Variants in BCL2L13 observed in about 807,000 individuals in gnomAD.
BCL2L13 encodes the protein BCL2 like 13, also known as bcl-2-like protein 13.
BCL2L13 carries 13 observed loss-of-function variants against 25.8 expected under a neutral mutation model. The ratio of observed to expected loss-of-function variants is 0.50; its 90% CI spans 0.33 to 0.80. The LOEUF (loss-of-function observed/expected upper bound fraction) is 0.80, where lower values mean the gene tolerates loss of function less well. Among genes scored for constraint, BCL2L13 ranks in the 30% least tolerant of loss-of-function variants. The pLI is 0.02. For synonymous variants in BCL2L13, 244 were observed against 230.3 expected, an observed-to-expected ratio of 1.06 and a Z score of -0.54; for missense variants, 504 against 574.9, an observed-to-expected ratio of 0.88 and a Z score of 1.26.
At chr22:17,676,517 CAAGTG>C (rs1254623758) in intron 2 of BCL2L13, among the ~76,000 whole-genome samples, 1 of 152,056 alleles carries the variant, frequency 6.6e-6, no homozygotes, top group African/African-American at 2.4e-5. Flanking sequence ...TTTCCTTGCC[CAAGTG>C]AAGAGTTAGA....
intron 3 of BCL2L13, among the ~76,000 whole-genome samples, chr22:17,685,760 C>CTTTTTTTTT (rs1166792513): frequency 0.01 from 606 of 60,590 alleles, 141 homozygotes; most frequent in East Asian, 0.025. Context: ...TTTTCTTTTT[C>CTTTTTTTTT]TTTTTTTTTT....
intron 6 of BCL2L13, among the ~76,000 whole-genome samples, chr22:17,725,923 A>G (rs2061283747): frequency 6.6e-6 from 1 of 150,796 alleles, no homozygotes; most frequent in African/African-American, 2.4e-5. Context: ...CAAATATACA[A>G]TATTTATAAC....
At position 17,696,230 on chromosome 22, in the gene BCL2L13, T is replaced by A. The variant is rs538599427; in HGVS notation, c.456+20T>A. 1 of 1,603,712 alleles carries A rather than the reference T, an allele frequency of 6.2e-7. No individual in the cohort carries two copies. The highest frequency in any genetic ancestry group is 2.2e-5 in the East Asian group (1 of 44,792). ...AATAAGGTATCATCACAATGATCTT[T>A]TCTCTTAAAAGATTTTAGTGTGTTA... On this transcript the variant is annotated intron_variant, in intron 5 of 6. Coordinates refer to ENST00000317582, the MANE Select transcript of BCL2L13 (RefSeq NM_015367.4).
intron 1 of BCL2L13, among the ~76,000 whole-genome samples, chr22:17,647,946 G>A (rs2058550874): frequency 6.6e-6 from 1 of 152,018 alleles, no homozygotes; most frequent in South Asian, 2.1e-4. Flanking sequence ...GGCTAACACG[G>A]TGAAACCCCC....
At chr22:17,680,011 G>C (rs935340809) in intron 2 of BCL2L13, among the ~76,000 whole-genome samples, 3 of 151,242 alleles carry the variant, frequency 2.0e-5, no homozygotes, top group African/African-American at 7.3e-5. Flanking sequence ...TCAGGAGTTC[G>C]AGATCAGCCT....
chr22:17,706,655 G>A, intron 6 of BCL2L13: 2 of 1,282,970 alleles, frequency 1.6e-6, no homozygotes, highest in Admixed American at 2.3e-5. Context: ...TTTCAGTTTT[G>A]ACTTTTATTT....
chr22:17,672,079 A>G (rs766750911), intron 2 of BCL2L13, among the ~76,000 whole-genome samples: 1 of 152,190 alleles, frequency 6.6e-6, no homozygotes, highest in Non-Finnish European at 1.5e-5. Flanking sequence ...TTGCTATTTA[A>G]TGAACAATTG....
In BCL2L13 at chr22:17,662,906, C is replaced by T. The variant is rs183273522; in HGVS notation, c.121+7074C>T. 1.4e-4 allele frequency among the ~76,000 whole-genome samples: 21 copies of T among 152,318 alleles called. 1 individual carries two copies. The East Asian group carries it at 4.0e-3, about 29-fold the overall frequency. On this transcript the variant is annotated intron_variant, in intron 2 of 6. Coordinates refer to ENST00000317582, the MANE Select transcript of BCL2L13 (RefSeq NM_015367.4). Reference sequence around the variant, plus strand: ...TTTTGTTTTTTGACACAGAGTCTCTCTCTTGCCCAGGCTGGTGTGCAGTGT... The same window carrying T: ...TTTTGTTTTTTGACACAGAGTCTCTTTCTTGCCCAGGCTGGTGTGCAGTGT...
At chr22:17,688,854 G>T in intron 3 of BCL2L13, 132 bp from the exon 4 acceptor site, 1 of 690,750 alleles carries the variant, frequency 1.4e-6, no homozygotes, top group Non-Finnish European at 2.1e-6. Context: ...CACAACCTCT[G>T]CCTCCTGGGT....
chr22:17,646,066 T>C (rs1264289517), intron 1 of BCL2L13, among the ~76,000 whole-genome samples: 1 of 151,444 alleles, frequency 6.6e-6, no homozygotes, highest in Non-Finnish European at 1.5e-5. Flanking sequence ...TATAAGGAAC[T>C]TGAGCATCTG....
chr22:17,689,002 C>T lies in BCL2L13; in HGVS notation c.246C>T (p.Gly82=). ...KEISEAFTST[G]FDRHTSPVFS... Reference sequence around the variant, plus strand: ...TATCTTCAGCCTTCACCAGCACAGGCTTTGACCGTCACACTTCTCCAGTGT... The same window carrying T: ...TATCTTCAGCCTTCACCAGCACAGGTTTTGACCGTCACACTTCTCCAGTGT... The change falls in exon 4 of 7, where the codon GGC becomes GGT. Residue 82 remains glycine, a synonymous_variant. Transcript: ENST00000317582. 1 of 1,613,816 alleles carries T rather than the reference C, an allele frequency of 6.2e-7. No homozygotes were observed. Among genetic ancestry groups the T allele is most frequent in the Non-Finnish European group, 8.5e-7 (1 of 1,179,856 alleles).
chr22:17,674,796 G>C (rs1169691717), intron 2 of BCL2L13, among the ~76,000 whole-genome samples: 4 of 152,022 alleles, frequency 2.6e-5, no homozygotes, highest in Non-Finnish European at 4.4e-5. Context: ...TGTTTTGTTA[G>C]ATAGTGAGAA....
At chr22:17,629,080 T>G (rs1202225467) in intron 1 of BCL2L13, 2 of 161,084 alleles carry the variant, frequency 1.2e-5, no homozygotes, top group East Asian at 3.5e-4. Flanking sequence ...GGTACATGAT[T>G]GTTGGCCGGG....
chr22:17,700,855 T>C (rs1360274761), intron 5 of BCL2L13, among the ~76,000 whole-genome samples: 1 of 152,222 alleles, frequency 6.6e-6, no homozygotes, highest in Non-Finnish European at 1.5e-5. Context: ...TGCTTTCTCT[T>C]CGTTTCTTTA....
intron 4 of BCL2L13, among the ~76,000 whole-genome samples, chr22:17,694,892 T>G (rs528204829): frequency 6.6e-6 from 1 of 152,354 alleles, no homozygotes; most frequent in South Asian, 2.1e-4. Context: ...GTCAGAGAGA[T>G]CTGAGTTCAA....
At chr22:17,705,747 G>T (rs979737560) in intron 6 of BCL2L13, among the ~76,000 whole-genome samples, 4 of 151,924 alleles carry the variant, frequency 2.6e-5, no homozygotes, top group African/African-American at 4.8e-5. Flanking sequence ...ACATGATATC[G>T]CATGTCTGTT....
chr22:17,696,108 T>G, intron 4 of BCL2L13, 33 bp from the exon 5 acceptor site: 1 of 1,561,646 alleles, frequency 6.4e-7, no homozygotes, highest in Non-Finnish European at 8.8e-7. Flanking sequence ...TTTTCCTTCT[T>G]TGTGACACAG....
At chr22:17,694,741 A>G (rs2060213020) in intron 4 of BCL2L13, among the ~76,000 whole-genome samples, 1 of 152,188 alleles carries the variant, frequency 6.6e-6, no homozygotes, top group Admixed American at 6.5e-5. Flanking sequence ...GAATCTTAAC[A>G]TCCAACAGGC....
chr22:17,639,453 C>T (rs1005589355), intron 1 of BCL2L13, among the ~76,000 whole-genome samples: 1 of 152,186 alleles, frequency 6.6e-6, no homozygotes, highest in African/African-American at 2.4e-5. Flanking sequence ...TCATTTTCCC[C>T]CTTTGATTTA....
Sources: allele counts gnomAD v4.1 joint callset (sites outside exome capture counted in the v4.1 genomes callset), GRCh38; gene constraint gnomAD v4.1.1; transcripts MANE v1.5; gene names NCBI Gene and HGNC (gene_info 2026-07-23, HGNC 2026-07-21).